PACRG: variants seen among roughly 807,000 people sequenced by gnomAD.
The protein encoded by PACRG is parkin coregulated.
In PACRG, 29 loss-of-function variants were observed where a neutral mutation model predicts 29.7. The ratio of observed to expected loss-of-function variants is 0.98; its 90% CI spans 0.73 to 1.33. The LOEUF (loss-of-function observed/expected upper bound fraction) is 1.33, where lower values mean the gene tolerates loss of function less well. Among genes scored for constraint, PACRG ranks in the 40% most tolerant of loss-of-function variants. The pLI is 0.00. For synonymous variants in PACRG, 116 were observed against 118.7 expected, an observed-to-expected ratio of 0.98 and a Z score of 0.15; for missense variants, 279 against 316.2, an observed-to-expected ratio of 0.88 and a Z score of 0.89.
At chr6:163,163,667 CTG>C (rs1778664516) in intron 4 of PACRG, among the ~76,000 whole-genome samples, 1 of 134,922 alleles carries the variant, frequency 7.4e-6, no homozygotes, top group South Asian at 2.5e-4. Context: ...ATTCTTGTAT[CTG>C]TGTTATTGTA....
chr6:162,787,547 A>C (rs1784559749), intron 1 of PACRG, among the ~76,000 whole-genome samples: 1 of 138,996 alleles, frequency 7.2e-6, no homozygotes, highest in Non-Finnish European at 1.5e-5. Context: ...TTGTGTATAT[A>C]TATATGGTTA....
intron 4 of PACRG, among the ~76,000 whole-genome samples, chr6:163,132,716 C>T (rs16894545): frequency 0.12 from 18,780 of 152,186 alleles, 1,168 homozygotes; most frequent in African/African-American, 0.15. Flanking sequence ...ATTTTGAGCT[C>T]TTAATGGCAC....
chr6:162,828,169 G>A (rs1788443511), intron 2 of PACRG, among the ~76,000 whole-genome samples: 1 of 152,132 alleles, frequency 6.6e-6, no homozygotes, highest in Non-Finnish European at 1.5e-5. Flanking sequence ...AAGAATGAGG[G>A]TGGTTATCTG....
intron 2 of PACRG, among the ~76,000 whole-genome samples, chr6:162,938,382 G>A (rs572247493): frequency 2.6e-5 from 4 of 152,284 alleles, no homozygotes; most frequent in East Asian, 1.9e-4. Context: ...TATCTTTTTC[G>A]TATAATGACT....
chr6:162,770,938 C>T (rs765308658), intron 1 of PACRG, among the ~76,000 whole-genome samples: 6 of 151,944 alleles, frequency 3.9e-5, no homozygotes, highest in South Asian at 2.1e-4. Flanking sequence ...TTTGTTGTCA[C>T]GGTTTTATAT....
At chr6:163,011,262 A>G (rs1805586767) in intron 2 of PACRG, among the ~76,000 whole-genome samples, 1 of 152,196 alleles carries the variant, frequency 6.6e-6, no homozygotes. Context: ...CAGGTAGTGC[A>G]CTTACACACA....
At chr6:162,942,495 C>T (rs943038038) in intron 2 of PACRG, among the ~76,000 whole-genome samples, 3 of 152,070 alleles carry the variant, frequency 2.0e-5, no homozygotes, top group African/African-American at 7.2e-5. Context: ...TGTGGATAAC[C>T]AGCTCCCAAA....
intron 2 of PACRG, among the ~76,000 whole-genome samples, chr6:162,869,981 G>A (rs949738383): frequency 6.6e-6 from 1 of 152,126 alleles, no homozygotes. Flanking sequence ...TTATAAAAAG[G>A]AGGCAAATTA....
chr6:163,092,488 C>G (rs998982488), intron 4 of PACRG, among the ~76,000 whole-genome samples: 4 of 152,166 alleles, frequency 2.6e-5, no homozygotes, highest in Non-Finnish European at 5.9e-5. Context: ...GCTGTATCCT[C>G]TTGTGTGTTC....
chr6:162,773,142 T>A (rs1783352014), intron 1 of PACRG, among the ~76,000 whole-genome samples: 1 of 152,064 alleles, frequency 6.6e-6, no homozygotes, highest in Non-Finnish European at 1.5e-5. Flanking sequence ...CTAGAGATAA[T>A]AGGAATACTA....
chr6:163,136,412 T>C (rs1019433776), intron 4 of PACRG, among the ~76,000 whole-genome samples: 1 of 152,234 alleles, frequency 6.6e-6, no homozygotes, highest in Non-Finnish European at 1.5e-5. Context: ...ATTTTAAAAA[T>C]CTTGCTGGAA....
At chr6:162,883,308 T>C (rs557326207) in intron 2 of PACRG, among the ~76,000 whole-genome samples, 15 of 152,334 alleles carry the variant, frequency 9.8e-5, no homozygotes, top group African/African-American at 3.6e-4. Flanking sequence ...ACACAGCTTG[T>C]TGGGGCCCGC....
chr6:163,161,927 A>G (rs112782463), intron 4 of PACRG, among the ~76,000 whole-genome samples: 2 of 152,188 alleles, frequency 1.3e-5, no homozygotes, highest in African/African-American at 4.8e-5. Context: ...TATCTTCTCA[A>G]ATGTATTTGC....
intron 1 of PACRG, among the ~76,000 whole-genome samples, chr6:162,762,707 T>C (rs1016433070): frequency 2.0e-5 from 3 of 152,248 alleles, no homozygotes; most frequent in African/African-American, 7.2e-5. Flanking sequence ...TGGTTATTTG[T>C]ATCTTGTTGC....
chr6:163,259,789 C>T (rs2128174903), intron 4 of PACRG, among the ~76,000 whole-genome samples: 1 of 152,272 alleles, frequency 6.6e-6, no homozygotes, highest in Non-Finnish European at 1.5e-5. Context: ...CCTTTCCTTG[C>T]CTTCTCCAGG....
At chr6:162,810,841 G>A (rs890521238) in intron 1 of PACRG, among the ~76,000 whole-genome samples, 1 of 152,082 alleles carries the variant, frequency 6.6e-6, no homozygotes, top group African/African-American at 2.4e-5. Flanking sequence ...AGTCTACAAG[G>A]AAAGGAAAAA....
At chr6:163,306,684 AG>A (rs1785207559) in intron 4 of PACRG, among the ~76,000 whole-genome samples, 1 of 152,192 alleles carries the variant, frequency 6.6e-6, no homozygotes, top group Admixed American at 6.5e-5. Context: ...TGGTCTTTTC[AG>A]GTTTTCTTAG....
chr6:162,921,275 G>C (rs1466098978), intron 2 of PACRG, among the ~76,000 whole-genome samples: 12 of 152,108 alleles, frequency 7.9e-5, no homozygotes, highest in Admixed American at 4.6e-4. Flanking sequence ...CTAGAAGACC[G>C]GGGGGAGCAG....
chr6:162,787,420 CAT>C (rs946066680), intron 1 of PACRG, among the ~76,000 whole-genome samples: 1 of 149,956 alleles, frequency 6.7e-6, no homozygotes. Flanking sequence ...TATGTGTAGG[CAT>C]ATATATATAC....
Sources: allele counts gnomAD v4.1 joint callset (sites outside exome capture counted in the v4.1 genomes callset), GRCh38; gene constraint gnomAD v4.1.1; transcripts MANE v1.5; gene names NCBI Gene and HGNC (gene_info 2026-07-23, HGNC 2026-07-21).